Variants in MTRF1 observed in about 807,000 individuals in gnomAD.
MTRF1 encodes the protein peptide chain release factor 1, mitochondrial.
MTRF1 carries 51 observed loss-of-function variants against 62.9 expected under a neutral mutation model. That is an observed-to-expected ratio of 0.81 (90% confidence interval 0.65 to 1.02). MTRF1 has a LOEUF of 1.02. Ranked by LOEUF, MTRF1 falls within the 50% of genes least tolerant of loss-of-function variation. The probability of loss-of-function intolerance (pLI) is 0.00; values close to 1 mark genes in which losing one functional copy is unlikely to be tolerated. For missense variants in MTRF1, 446 were observed against 530.0 expected, an observed-to-expected ratio of 0.84 and a Z score of 1.56; for synonymous variants, 158 against 181.9, an observed-to-expected ratio of 0.87 and a Z score of 1.06.
chr13:41,236,222 T>C (rs1325884199), intron 6 of MTRF1: 1 of 152,242 alleles, frequency 6.6e-6, no homozygotes, highest in Non-Finnish European at 1.5e-5. Context: ...TTCAAGAGAT[T>C]CTCCTGCCTC....
At chr13:41,311,199 C>T in the MTRF1 span, 1 of 467,618 alleles carries the variant, frequency 2.1e-6, no homozygotes, top group South Asian at 2.6e-5. Context: ...CCCGCAGCCC[C>T]TCGCCAAAGG....
chr13:41,291,441 G>C, the MTRF1 span, among the ~76,000 whole-genome samples: 11 of 152,122 alleles, frequency 7.2e-5, no homozygotes, highest in Admixed American at 3.3e-4. Context: ...GCCTCCTAAA[G>C]TGCTGGGATT....
chr13:41,245,752 C>T (rs953215789), intron 5 of MTRF1, among the ~76,000 whole-genome samples: 6 of 152,092 alleles, frequency 3.9e-5, no homozygotes, highest in Admixed American at 2.0e-4. Flanking sequence ...TAGAATGAGT[C>T]CAGGAAGGCT....
chr13:41,290,909 A>G, the MTRF1 span, among the ~76,000 whole-genome samples: 7 of 150,052 alleles, frequency 4.7e-5, no homozygotes, highest in African/African-American at 1.5e-4. Context: ...CCTGACCAAC[A>G]TGGAGAAACC....
the MTRF1 span, among the ~76,000 whole-genome samples, chr13:41,309,341 A>AGTCTGTGTGTGTGTGTGT: frequency 7.4e-6 from 1 of 135,570 alleles, no homozygotes; most frequent in African/African-American, 2.8e-5. Context: ...ATGCCCAGCT[A>AGTCTGTGTGTGTGTGTGT]GTGTGTGTGT....
At chr13:41,241,623 A>C (rs2037513247) in intron 5 of MTRF1, among the ~76,000 whole-genome samples, 1 of 152,168 alleles carries the variant, frequency 6.6e-6, no homozygotes, top group African/African-American at 2.4e-5. Context: ...AGTCCTGCCC[A>C]TTTAAAAATG....
chr13:41,223,169 C>T, intron 9 of MTRF1, 87 bp downstream of exon 9: 1 of 779,306 alleles, frequency 1.3e-6, no homozygotes, highest in East Asian at 2.9e-5. Flanking sequence ...TTTAGATATA[C>T]TTGGTAATAT....
chr13:41,310,043 A>ACTAAATG, the MTRF1 span, among the ~76,000 whole-genome samples: 2 of 152,232 alleles, frequency 1.3e-5, no homozygotes, highest in Non-Finnish European at 2.9e-5. Flanking sequence ...ATTACAGCCG[A>ACTAAATG]CTAAATGCAG....
chr13:41,248,992 T>A lies in MTRF1; in HGVS notation c.697+3653A>T, dbSNP rs1482306174. Among the ~76,000 whole-genome samples, 3 of 152,210 alleles carry A rather than the reference T, an allele frequency of 2.0e-5. No homozygotes were observed. The East Asian group carries it at 5.8e-4, about 29-fold the overall frequency. On this transcript the variant is annotated intron_variant, in intron 5 of 9. Transcript: ENST00000379480. ...AAATATTGTCTCTATCTGTACCTATTGCCACAAAATGACATGACTTTGAAA... is the reference window on the plus strand; with the variant it reads ...AAATATTGTCTCTATCTGTACCTATAGCCACAAAATGACATGACTTTGAAA...
At chr13:41,254,278 C>A (rs1402602365) in intron 3 of MTRF1, among the ~76,000 whole-genome samples, 1 of 152,110 alleles carries the variant, frequency 6.6e-6, no homozygotes, top group Non-Finnish European at 1.5e-5. Context: ...AGCACGTATT[C>A]TCTTGCTTAA....
At position 41,217,081 on chromosome 13, in the gene MTRF1, A is replaced by G. The variant is rs1481924796; in HGVS notation, c.*34T>C. ...CTGCCTCTTGATATAGGTCCATTTCATTTATATAATCATAAATAATAATAA... is the reference window on the plus strand; with the variant it reads ...CTGCCTCTTGATATAGGTCCATTTCGTTTATATAATCATAAATAATAATAA... On this transcript the variant is annotated 3_prime_UTR_variant, in exon 10 of 10. Transcript: ENST00000379480. The G allele has an allele frequency of 7.7e-7, 1 of 1,292,404 alleles. No individual in the cohort carries two copies. The highest frequency in any genetic ancestry group is 1.9e-5 in the Admixed American group (1 of 53,670). 80.1% of individuals were successfully genotyped at this position (1,292,404 alleles called of 1,614,324 possible).
chr13:41,256,007 CTT>C (rs2039662694), intron 2 of MTRF1, among the ~76,000 whole-genome samples: 1 of 152,138 alleles, frequency 6.6e-6, no homozygotes, highest in Admixed American at 6.5e-5. Flanking sequence ...AGAGAAGACT[CTT>C]TTAAATTATT....
chr13:41,267,578 G>C (rs2040854873), upstream of MTRF1, among the ~76,000 whole-genome samples: 2 of 152,106 alleles, frequency 1.3e-5, no homozygotes, highest in Admixed American at 6.6e-5. Context: ...AAGTAAAAAA[G>C]TGATAAAAAG....
the MTRF1 span, among the ~76,000 whole-genome samples, chr13:41,272,311 G>A: frequency 6.6e-6 from 1 of 152,228 alleles, no homozygotes; most frequent in Admixed American, 6.5e-5. Context: ...AAAGGGGAAG[G>A]AGGTATAGGG....
chr13:41,244,550 A>G (rs1189586143), intron 5 of MTRF1, among the ~76,000 whole-genome samples: 2 of 152,170 alleles, frequency 1.3e-5, no homozygotes, highest in Non-Finnish European at 2.9e-5. Context: ...ATACCCTTAC[A>G]GTTCCCTCCC....
At chr13:41,242,685 C>T (rs544148380) in intron 5 of MTRF1, among the ~76,000 whole-genome samples, 1 of 152,054 alleles carries the variant, frequency 6.6e-6, no homozygotes, top group Non-Finnish European at 1.5e-5. Context: ...TAGTGAACAG[C>T]CTTGGAAATA....
intron 5 of MTRF1, among the ~76,000 whole-genome samples, chr13:41,244,601 T>A (rs1037001770): frequency 1.3e-5 from 2 of 152,106 alleles, no homozygotes; most frequent in Admixed American, 6.5e-5. Flanking sequence ...ATGACAGAGG[T>A]GATACTATGT....
intron 5 of MTRF1, 29 bp downstream of exon 5, chr13:41,252,616 C>T (rs2039214544): frequency 6.5e-7 from 1 of 1,538,570 alleles, no homozygotes; most frequent in Non-Finnish European, 9.0e-7. Context: ...TTCAGTATCT[C>T]CTACAGGCAA....
intron 9 of MTRF1, among the ~76,000 whole-genome samples, chr13:41,220,323 G>GAAAA (rs1555243201): frequency 1.1e-5 from 1 of 93,324 alleles, no homozygotes. Context: ...AATCTGTCTC[G>GAAAA]GAAAAAAAAA....
Sources: allele counts gnomAD v4.1 joint callset (sites outside exome capture counted in the v4.1 genomes callset), GRCh38; gene constraint gnomAD v4.1.1; transcripts MANE v1.5; gene names NCBI Gene and HGNC (gene_info 2026-07-23, HGNC 2026-07-21).